The following GPR160 variants were observed in gnomAD, a reference collection of about 807,000 sequenced individuals.
GPR160 encodes the protein probable G protein-coupled receptor 160.
A neutral mutation model predicts 2.6 loss-of-function variants in GPR160; 2 were observed. The ratio of observed to expected loss-of-function variants is 0.77; its 90% CI spans 0.32 to 2.44. The LOEUF (loss-of-function observed/expected upper bound fraction) is 2.44, where lower values mean the gene tolerates loss of function less well. Ranked by LOEUF, GPR160 falls within the 30% of genes most tolerant of loss-of-function variation. The pLI is 0.11. For missense variants in GPR160, 351 were observed against 383.6 expected, an observed-to-expected ratio of 0.91 and a Z score of 0.71; for synonymous variants, 130 against 132.2, an observed-to-expected ratio of 0.98 and a Z score of 0.12.
At chr3:170,044,623 G>T (rs890602387) in intron 2 of GPR160, among the ~76,000 whole-genome samples, 1 of 152,116 alleles carries the variant, frequency 6.6e-6, no homozygotes, top group East Asian at 1.9e-4. Context: ...CGGTTCCCCA[G>T]GGTGTCCTGC....
intron 2 of GPR160, among the ~76,000 whole-genome samples, chr3:170,054,097 T>TG (rs1711522611): frequency 6.7e-6 from 1 of 150,274 alleles, no homozygotes; most frequent in Non-Finnish European, 1.5e-5. Flanking sequence ...AAAGCAGCGT[T>TG]TGTGTGTGTG....
chr3:170,050,225 A>G (rs554858165), intron 2 of GPR160, among the ~76,000 whole-genome samples: 3 of 149,696 alleles, frequency 2.0e-5, no homozygotes, highest in Admixed American at 1.3e-4. Context: ...ATGCCCGCCT[A>G]ATTTACTTCT....
intron 2 of GPR160, among the ~76,000 whole-genome samples, chr3:170,054,199 T>TA (rs35046468): frequency 0.017 from 2,470 of 144,918 alleles, 24 homozygotes; most frequent in Non-Finnish European, 0.026. Flanking sequence ...GTCTCATGCT[T>TA]AAAAAAAAAA....
chr3:170,055,053 C>G (rs968176269), intron 2 of GPR160, among the ~76,000 whole-genome samples: 1 of 152,328 alleles, frequency 6.6e-6, no homozygotes, highest in Non-Finnish European at 1.5e-5. Context: ...CTTGGCCTCC[C>G]AAAGTATTGG....
At chr3:170,065,572 G>T (rs1220966769) in intron 2 of GPR160, among the ~76,000 whole-genome samples, 2 of 152,138 alleles carry the variant, frequency 1.3e-5, no homozygotes, top group African/African-American at 2.4e-5. Context: ...TCTTTCATTG[G>T]CTTCCTAAGA....
intron 2 of GPR160, among the ~76,000 whole-genome samples, chr3:170,040,278 TA>T (rs1716391366): frequency 6.6e-6 from 1 of 152,242 alleles, no homozygotes; most frequent in Non-Finnish European, 1.5e-5. Context: ...CATTTTCCTT[TA>T]AACAGAACAC....
intron 2 of GPR160, among the ~76,000 whole-genome samples, chr3:170,074,419 G>T (rs147966178): frequency 1.3e-5 from 2 of 151,846 alleles, no homozygotes; most frequent in Admixed American, 6.6e-5. Context: ...AAGCAGTTTT[G>T]TATCGATTTT....
intron 2 of GPR160, among the ~76,000 whole-genome samples, chr3:170,076,667 C>T (rs1712866360): frequency 6.6e-6 from 1 of 152,088 alleles, no homozygotes; most frequent in Admixed American, 6.6e-5. Context: ...CTGCAGCCTC[C>T]TGAGTAGCTG....
At chr3:170,072,013 TTTCCACTCTGGGG>T (rs1195537515) in intron 2 of GPR160, among the ~76,000 whole-genome samples, 1 of 152,024 alleles carries the variant, frequency 6.6e-6, no homozygotes, top group East Asian at 1.9e-4. Flanking sequence ...ATTTGGGATA[TTTCCACTCTGGGG>T]CCATTGGTGA....
chr3:170,048,739 T>C (rs934244564), intron 2 of GPR160, among the ~76,000 whole-genome samples: 14 of 152,234 alleles, frequency 9.2e-5, no homozygotes, highest in Admixed American at 7.8e-4. Flanking sequence ...AACATGTACC[T>C]CTATTCTCAC....
rs548096390 is a variant in GPR160, at chr3:170,041,361, G to T, written c.-193+2318G>T. On this transcript the variant is annotated intron_variant, in intron 2 of 3. Coordinates refer to ENST00000355897, the MANE Select transcript of GPR160 (RefSeq NM_014373.3). ...CTGTCACCCAGGCTGGAGTGCAGTG[G>T]CGTGATCTCGGCTCACTGCAAGCTC... Among the ~76,000 whole-genome samples, 4 of 149,474 alleles carry T rather than the reference G, an allele frequency of 2.7e-5. No individual in the cohort carries two copies. The South Asian group carries it at 8.5e-4, about 32-fold the overall frequency.
At position 170,084,777 on chromosome 3, in the gene GPR160, A is replaced by T. The variant is rs764735904; in HGVS notation, c.805A>T (p.Ile269Phe). The T allele has an allele frequency of 6.2e-7, 1 of 1,604,140 alleles. No homozygotes were observed. The highest frequency in any genetic ancestry group is 1.1e-5 in the South Asian group (1 of 90,740). Residue 269 changes from isoleucine (I) to phenylalanine (F), a missense_variant, in exon 4 of 4, where the codon ATT (isoleucine) becomes TTT (phenylalanine). Coordinates refer to ENST00000355897, the MANE Select transcript of GPR160 (RefSeq NM_014373.3). ...AATCATTGTTTTACTTAAAGTTCAG[A>T]TTCCAGCATATATTGAGATGAATAT... ...QVIIVLLKVQ[I>F]PAYIEMNIPW...
intron 2 of GPR160, chr3:170,062,968 T>TGGTGGATCTC (rs1712052697): frequency 3.6e-6 from 1 of 275,972 alleles, no homozygotes; most frequent in Admixed American, 4.9e-5. Flanking sequence ...GACCCCTCCA[T>TGGTGGATCTC]GGTGGATCTC....
In GPR160 at chr3:170,084,378, A is replaced by G; in HGVS notation, c.406A>G (p.Lys136Glu). Residue 136 changes from lysine (K) to glutamate (E), a missense_variant, in exon 4 of 4, where the codon AAA becomes GAA. Lys to Glu is a moderately conservative substitution (Grantham distance 56). Coordinates refer to ENST00000355897, the MANE Select transcript of GPR160 (RefSeq NM_014373.3). ...AACCAAGCTTTCATTTAAGTGTCAA[A>G]AATTATTTTATTTCTTTACAGTAAT... ...KTTKLSFKCQ[K>E]LFYFFTVILI... is the part of the protein sequence containing the mutation. 1 of 1,608,268 alleles carries G rather than the reference A, an allele frequency of 6.2e-7. No individual in the cohort carries two copies. The highest frequency in any genetic ancestry group is 8.5e-7 in the Non-Finnish European group (1 of 1,175,478).
chr3:170,044,206 C>T (rs1375024712), intron 2 of GPR160, among the ~76,000 whole-genome samples: 1 of 150,912 alleles, frequency 6.6e-6, no homozygotes, highest in Non-Finnish European at 1.5e-5. Flanking sequence ...TGCCTGTAAT[C>T]CCAGCTACTT....
chr3:170,063,552 C>CAAAAAAAAAAA (rs528295183), intron 2 of GPR160, among the ~76,000 whole-genome samples: 40 of 78,872 alleles, frequency 5.1e-4, no homozygotes, highest in African/African-American at 1.0e-3. Context: ...ACAAAAAAAG[C>CAAAAAAAAAAA]AAAAAAAAAA....
intron 2 of GPR160, among the ~76,000 whole-genome samples, chr3:170,073,670 C>G (rs1405069613): frequency 6.6e-6 from 1 of 152,004 alleles, no homozygotes; most frequent in Non-Finnish European, 1.5e-5. Context: ...TTTCTGCTTC[C>G]ATGTTCATGA....
At chr3:170,041,907 T>G (rs901498366) in intron 2 of GPR160, among the ~76,000 whole-genome samples, 1 of 151,654 alleles carries the variant, frequency 6.6e-6, no homozygotes, top group South Asian at 2.1e-4. Flanking sequence ...TGTAGGAGAG[T>G]GGTAGATTTG....
chr3:170,045,405 A>G (rs1392123760), intron 2 of GPR160, among the ~76,000 whole-genome samples: 3 of 96,336 alleles, frequency 3.1e-5, no homozygotes, highest in African/African-American at 1.2e-4. Flanking sequence ...TCTACTAAAA[A>G]TACAAAAAAA....
Sources: allele counts gnomAD v4.1 joint callset (sites outside exome capture counted in the v4.1 genomes callset), GRCh38; gene constraint gnomAD v4.1.1; transcripts MANE v1.5; gene names NCBI Gene and HGNC (gene_info 2026-07-23, HGNC 2026-07-21).